Variants in MMP26 observed in about 807,000 individuals in gnomAD.
MMP26 encodes matrix metalloproteinase-26.
MMP26 carries 33 observed loss-of-function variants against 31.0 expected under a neutral mutation model. The ratio of observed to expected loss-of-function variants is 1.06; its 90% CI spans 0.81 to 1.42. The LOEUF (loss-of-function observed/expected upper bound fraction) is 1.42. Ranked by LOEUF, MMP26 falls within the 40% of genes most tolerant of loss-of-function variation. The pLI is 0.00. For synonymous variants in MMP26, 122 were observed against 114.9 expected (o/e 1.06, Z -0.40); for missense variants, 347 against 316.1 (o/e 1.10, Z -0.74).
chr11:4,968,238 A>C (rs899018853), intron 2 of MMP26, among the ~76,000 whole-genome samples: 5 of 152,148 alleles, frequency 3.3e-5, no homozygotes, highest in Admixed American at 3.3e-4. Flanking sequence ...ATGATTGCTG[A>C]AATAATAACA....
intron 2 of MMP26, among the ~76,000 whole-genome samples, chr11:4,830,870 C>T (rs547436523): frequency 1.1e-3 from 158 of 149,190 alleles, no homozygotes; most frequent in South Asian, 2.3e-3. Flanking sequence ...GGAAAAAATC[C>T]GTGAACAGAC....
intron 2 of MMP26, among the ~76,000 whole-genome samples, chr11:4,788,793 G>A (rs1363637574): frequency 6.6e-6 from 1 of 152,124 alleles, no homozygotes; most frequent in African/African-American, 2.4e-5. Context: ...TCAATGAAAT[G>A]AATGAACAGT....
At chr11:4,776,029 A>G (rs1383597197) in intron 2 of MMP26, among the ~76,000 whole-genome samples, 1 of 152,150 alleles carries the variant, frequency 6.6e-6, no homozygotes, top group Non-Finnish European at 1.5e-5. Flanking sequence ...GCTCTCATTT[A>G]TAACTGAGAA....
At chr11:4,963,322 T>A (rs1030511991) in intron 2 of MMP26, among the ~76,000 whole-genome samples, 1 of 152,166 alleles carries the variant, frequency 6.6e-6, no homozygotes, top group East Asian at 1.9e-4. Context: ...AAGTAATTTA[T>A]AGATTCAATG....
intron 2 of MMP26, among the ~76,000 whole-genome samples, chr11:4,791,872 C>T (rs1343938680): frequency 6.6e-6 from 1 of 151,810 alleles, no homozygotes; most frequent in Non-Finnish European, 1.5e-5. Context: ...CCCAGCTTAA[C>T]TTCTCCCTCT....
At chr11:4,943,479 G>A in intron 2 of MMP26, 1 of 456,160 alleles carries the variant, frequency 2.2e-6, no homozygotes, top group Admixed American at 2.4e-5. Context: ...GTTACATTTA[G>A]ACTAAGGTTT....
chr11:4,923,942 T>A, intron 2 of MMP26: 2 of 1,614,124 alleles, frequency 1.2e-6, no homozygotes, highest in South Asian at 1.1e-5. Flanking sequence ...GGTGGAGTCA[T>A]GCAGTGGGTT....
rs35264256 is a variant in MMP26, at chr11:4,924,003, C to A, written c.-144-64065C>A. On this transcript the variant is annotated intron_variant, in intron 2 of 7. Coordinates refer to ENST00000380390, the MANE Select transcript of MMP26 (RefSeq NM_021801.5). The stretch of plus-strand genomic sequence containing the variant: ...GACATGGATAACAGAACTGATGACT[C>A]CATTGAAGACAAGGTGTGGATGAAG... The A allele has an allele frequency of 3.5e-5, 56 of 1,613,820 alleles. 1 individual carries two copies. The Middle Eastern group carries it at 6.6e-4, about 19-fold the overall frequency.
chr11:4,708,649 A>G (rs1462583582), intron 1 of MMP26, among the ~76,000 whole-genome samples: 1 of 152,224 alleles, frequency 6.6e-6, no homozygotes, highest in African/African-American at 2.4e-5. Flanking sequence ...TTAAGACAAG[A>G]AGCAATATAC....
intron 2 of MMP26, among the ~76,000 whole-genome samples, chr11:4,977,304 C>T (rs1014976800): frequency 2.0e-5 from 3 of 151,992 alleles, no homozygotes; most frequent in Non-Finnish European, 4.4e-5. Flanking sequence ...AATTAAATTC[C>T]ATTCAATTGT....
intron 2 of MMP26, among the ~76,000 whole-genome samples, chr11:4,838,268 A>G (rs1429841168): frequency 6.0e-5 from 8 of 132,668 alleles, no homozygotes; most frequent in African/African-American, 1.1e-4. Context: ...CAGTGAGCCG[A>G]GATCTCGCCA....
rs71050429 is a variant in MMP26 at position 4,789,530 on chromosome 11, C to CTTTTTTTTTTTTTTTTTT, written c.-145+22201_-145+22218dup. ...TCCTGAAGGTAAAGATATCCCCCCA[C>CTTTTTTTTTTTTTTTTTT]TTTTTTTTTTTTTTTTTTTTTTTTT... On this transcript the variant is annotated intron_variant, in intron 2 of 7. Transcript: ENST00000380390. Among the ~76,000 whole-genome samples the CTTTTTTTTTTTTTTTTTT allele has an allele frequency of 2.9e-4, 19 of 65,972 alleles. 1 individual carries two copies. Among genetic ancestry groups the CTTTTTTTTTTTTTTTTTT allele is most frequent in the African/African-American group, 8.6e-4 (16 of 18,646 alleles). 43.3% of individuals were successfully genotyped at this position (65,972 alleles called of 152,430 possible).
At chr11:4,710,439 C>T (rs889328919) in intron 1 of MMP26, 1 of 456,830 alleles carries the variant, frequency 2.2e-6, no homozygotes, top group African/African-American at 2.0e-5. Context: ...TGTAATGAAT[C>T]CCATAATCTA....
chr11:4,804,427 A>T, intron 2 of MMP26: 3 of 1,380,998 alleles, frequency 2.2e-6, no homozygotes, highest in Non-Finnish European at 3.1e-6. Flanking sequence ...TACTCTCTGC[A>T]GATGATAACA....
chr11:4,924,656 A>C (rs1241147009), intron 2 of MMP26, among the ~76,000 whole-genome samples: 1 of 152,228 alleles, frequency 6.6e-6, no homozygotes, highest in Non-Finnish European at 1.5e-5. Flanking sequence ...TCTGAGAGAT[A>C]TGATACGAGA....
At chr11:4,736,775 TA>T (rs1427021249) in intron 1 of MMP26, 1 of 152,238 alleles carries the variant, frequency 6.6e-6, no homozygotes, top group Non-Finnish European at 1.5e-5. Flanking sequence ...TCCATGACAG[TA>T]AAAAGTTGAA....
At chr11:4,802,757 G>A (rs1031708664) in intron 2 of MMP26, among the ~76,000 whole-genome samples, 13 of 152,010 alleles carry the variant, frequency 8.6e-5, no homozygotes, top group South Asian at 2.1e-4. Flanking sequence ...CTTTACGTAC[G>A]TATTCCAGTA....
At chr11:4,847,584 T>C (rs1394339230) in intron 2 of MMP26, 1 of 152,244 alleles carries the variant, frequency 6.6e-6, no homozygotes, top group Non-Finnish European at 1.5e-5. Context: ...CTCAAACATT[T>C]CTCATTTCTT....
At chr11:4,806,168 C>T (rs779644535) in intron 2 of MMP26, among the ~76,000 whole-genome samples, 2 of 151,980 alleles carry the variant, frequency 1.3e-5, no homozygotes, top group African/African-American at 2.4e-5. Context: ...GGAATAAGTG[C>T]GATGTGGTGC....
Sources: allele counts gnomAD v4.1 joint callset (sites outside exome capture counted in the v4.1 genomes callset), GRCh38; gene constraint gnomAD v4.1.1; transcripts MANE v1.5; gene names NCBI Gene and HGNC (gene_info 2026-07-23, HGNC 2026-07-21).